P3H2: variants seen among roughly 807,000 people sequenced by gnomAD.
P3H2 encodes leprecan-like 1.
A neutral mutation model predicts 87.0 loss-of-function variants in P3H2; 80 were observed. The ratio of observed to expected loss-of-function variants is 0.92; its 90% CI spans 0.77 to 1.11. P3H2 has a LOEUF of 1.11. P3H2 is among the 50% of genes least tolerant of loss of function. P3H2 has a pLI of 0.00. For missense variants in P3H2, 1,001 were observed against 923.9 expected (o/e 1.08, Z -1.08); for synonymous variants, 367 against 359.3 (o/e 1.02, Z -0.24).
intron 1 of P3H2, among the ~76,000 whole-genome samples, chr3:189,999,778 C>A (rs753989985): frequency 1.3e-5 from 2 of 152,090 alleles, no homozygotes; most frequent in South Asian, 2.1e-4. Context: ...ATGGTATTGA[C>A]GTTTAGGGGA....
At chr3:190,109,522 T>C (rs1330421726) in intron 1 of P3H2, among the ~76,000 whole-genome samples, 2 of 152,214 alleles carry the variant, frequency 1.3e-5, no homozygotes, top group Non-Finnish European at 2.9e-5. Context: ...ATTCTGGAGT[T>C]TGAAATTCAC....
chr3:190,022,959 TGGGACTACA>T (rs1724973744), intron 1 of P3H2, among the ~76,000 whole-genome samples: 1 of 152,100 alleles, frequency 6.6e-6, no homozygotes, highest in African/African-American at 2.4e-5. Context: ...CCCGAGTAGC[TGGGACTACA>T]GGCACCCACC....
chr3:190,016,409 A>G (rs1226964983), intron 1 of P3H2, among the ~76,000 whole-genome samples: 3 of 151,970 alleles, frequency 2.0e-5, no homozygotes, highest in Non-Finnish European at 4.4e-5. Context: ...ACGCCCAGCT[A>G]ATTTTTTGTA....
intron 1 of P3H2, among the ~76,000 whole-genome samples, chr3:190,095,819 G>C (rs1393382978): frequency 6.6e-6 from 1 of 152,130 alleles, no homozygotes; most frequent in South Asian, 2.1e-4. Flanking sequence ...AGCCAGGATG[G>C]TCTCGATCTC....
At chr3:190,073,754 A>C (rs1577310078) in intron 1 of P3H2, among the ~76,000 whole-genome samples, 2 of 152,344 alleles carry the variant, frequency 1.3e-5, no homozygotes, top group East Asian at 3.9e-4. Flanking sequence ...TTTTAAAAGA[A>C]GAGATGCTTG....
In P3H2 at chr3:189,964,004, C is replaced by T; in HGVS notation, c.1988G>A (p.Cys663Tyr). 2 of 1,614,138 alleles carry T rather than the reference C, an allele frequency of 1.2e-6. No individual in the cohort carries two copies. Among genetic ancestry groups the T allele is most frequent in the Non-Finnish European group, 1.7e-6 (2 of 1,179,998 alleles). Reference sequence around the variant, plus strand: ...CAAGGTGAACCACAGAGCCACAGCACACCTCTTTCCCTTGGTGACTGCCTT... The same window carrying T: ...CAAGGTGAACCACAGAGCCACAGCATACCTCTTTCCCTTGGTGACTGCCTT... ...GVKAVTKGKRCAVALWFTLDP... is the reference protein window; with the variant it reads ...GVKAVTKGKRYAVALWFTLDP... The change falls in exon 14 of 15, where the codon TGT becomes TAT. Residue 663 changes from cysteine (C) to tyrosine (Y), a missense_variant. Coordinates refer to ENST00000319332, the MANE Select transcript of P3H2 (RefSeq NM_018192.4).
chr3:190,033,250 C>T (rs1054230910), intron 1 of P3H2, among the ~76,000 whole-genome samples: 1 of 152,174 alleles, frequency 6.6e-6, no homozygotes, highest in African/African-American at 2.4e-5. Flanking sequence ...GGCCCAGTTC[C>T]TAATGGGCCA....
At chr3:190,074,563 C>T (rs1577310578) in intron 1 of P3H2, among the ~76,000 whole-genome samples, 1 of 151,936 alleles carries the variant, frequency 6.6e-6, no homozygotes, top group Non-Finnish European at 1.5e-5. Flanking sequence ...CAATTTCACA[C>T]CAAAAGCATC....
intron 1 of P3H2, among the ~76,000 whole-genome samples, chr3:190,010,575 C>A (rs1295451253): frequency 6.6e-6 from 1 of 152,030 alleles, no homozygotes; most frequent in Non-Finnish European, 1.5e-5. Context: ...TACATAAAGA[C>A]ACAATAAGAG....
intron 9 of P3H2, 90 bp downstream of exon 9, chr3:189,974,468 T>A: frequency 1.9e-6 from 3 of 1,543,708 alleles, no homozygotes; most frequent in Non-Finnish European, 2.7e-6. Flanking sequence ...CAGGGCTTGT[T>A]GTCTGGCTCC....
At chr3:189,963,094 T>C (rs1258391917) in intron 14 of P3H2, among the ~76,000 whole-genome samples, 6 of 152,196 alleles carry the variant, frequency 3.9e-5, no homozygotes, top group Admixed American at 2.6e-4. Context: ...TTGAAAGTTA[T>C]TCCTTGTGTG....
At position 190,075,160 on chromosome 3, in the gene P3H2, T is replaced by C. The variant is rs981555853; in HGVS notation, c.480+45092A>G. On this transcript the variant is annotated intron_variant, in intron 1 of 14. Transcript: ENST00000319332. The stretch of plus-strand genomic sequence containing the variant: ...TCTAGTAGTGAAGAAAAGGCTAGGA[T>C]ATGAAACTAATAACTGTCATGCAAA... Among the ~76,000 whole-genome samples, 2 of 152,188 alleles carry C rather than the reference T, an allele frequency of 1.3e-5. 1 individual carries two copies.
At chr3:190,036,232 T>C (rs1426305175) in intron 1 of P3H2, among the ~76,000 whole-genome samples, 4 of 152,190 alleles carry the variant, frequency 2.6e-5, no homozygotes, top group Non-Finnish European at 5.9e-5. Context: ...ATTTTTCAGT[T>C]AGTCTCAAAT....
At chr3:189,965,273 C>T (rs1722940154) in intron 13 of P3H2, among the ~76,000 whole-genome samples, 1 of 152,146 alleles carries the variant, frequency 6.6e-6, no homozygotes. Context: ...CATAGGTACT[C>T]CCGGACTACG....
chr3:190,101,598 T>G (rs116765595), intron 1 of P3H2, among the ~76,000 whole-genome samples: 2,454 of 151,856 alleles, frequency 0.016, 68 homozygotes, highest in African/African-American at 0.056. Flanking sequence ...GAGGAAGCTA[T>G]AGAAAAACAG....
intron 1 of P3H2, among the ~76,000 whole-genome samples, chr3:190,004,529 C>G (rs887267423): frequency 2.6e-5 from 4 of 151,872 alleles, no homozygotes; most frequent in Non-Finnish European, 5.9e-5. Flanking sequence ...ACTACAGGCG[C>G]CCGCCTCCAC....
At chr3:190,031,305 G>A (rs1284169924) in intron 1 of P3H2, among the ~76,000 whole-genome samples, 1 of 152,050 alleles carries the variant, frequency 6.6e-6, no homozygotes, top group Non-Finnish European at 1.5e-5. Flanking sequence ...AAACCCTTGT[G>A]TACATAAAAT....
chr3:190,121,895 C>A (rs981980906), upstream of P3H2, among the ~76,000 whole-genome samples: 3 of 152,106 alleles, frequency 2.0e-5, no homozygotes, highest in Non-Finnish European at 4.4e-5. Context: ...AGTTCGAGAC[C>A]AGCCTGGCCA....
At chr3:189,958,066 C>G (rs973993957) in intron 14 of P3H2, 62 bp from the exon 15 acceptor site, 2 of 1,252,682 alleles carry the variant, frequency 1.6e-6, no homozygotes, top group South Asian at 2.4e-5. Flanking sequence ...CATCAGCAGA[C>G]GCTTCCCAAA....
Sources: allele counts gnomAD v4.1 joint callset (sites outside exome capture counted in the v4.1 genomes callset), GRCh38; gene constraint gnomAD v4.1.1; transcripts MANE v1.5; gene names NCBI Gene and HGNC (gene_info 2026-07-23, HGNC 2026-07-21).